Variants in SLC38A6 observed in about 807,000 individuals in gnomAD.
SLC38A6 encodes the protein solute carrier family 38 member 6.
SLC38A6 carries 73 observed loss-of-function variants against 65.0 expected under a neutral mutation model. The ratio of observed to expected loss-of-function variants is 1.12; its 90% CI spans 0.93 to 1.37. The LOEUF (loss-of-function observed/expected upper bound fraction) is 1.37, where lower values mean the gene tolerates loss of function less well. SLC38A6 is among the 40% of genes most tolerant of loss of function. SLC38A6 has a pLI of 0.00. For synonymous variants in SLC38A6, 183 were observed against 178.8 expected (o/e 1.02, Z -0.19); for missense variants, 561 against 531.1 (o/e 1.06, Z -0.55).
chr14:61,083,277 G>A (rs2043728215), intron 16 of SLC38A6, among the ~76,000 whole-genome samples: 1 of 152,206 alleles, frequency 6.6e-6, no homozygotes, highest in African/African-American at 2.4e-5. Flanking sequence ...CTACACCTCA[G>A]GTGGCCCTCC....
At chr14:61,013,946 G>T (rs1343196989) in intron 3 of SLC38A6, among the ~76,000 whole-genome samples, 1 of 152,104 alleles carries the variant, frequency 6.6e-6, no homozygotes, top group African/African-American at 2.4e-5. Flanking sequence ...GCTAGGCTGG[G>T]GAAGTTCTCC....
At chr14:61,078,475 A>G (rs898295925) in intron 15 of SLC38A6, among the ~76,000 whole-genome samples, 9 of 152,202 alleles carry the variant, frequency 5.9e-5, no homozygotes, top group African/African-American at 2.2e-4. Context: ...CCTGATGTAG[A>G]GAATGCTGGA....
At chr14:61,081,104 G>A (rs1180380979) in intron 16 of SLC38A6, among the ~76,000 whole-genome samples, 1 of 124,742 alleles carries the variant, frequency 8.0e-6, no homozygotes, top group African/African-American at 2.7e-5. Context: ...TTGCAGATCT[G>A]CACCTCTGGA....
At chr14:61,007,152 A>G (rs1283723580) in intron 3 of SLC38A6, among the ~76,000 whole-genome samples, 2 of 152,118 alleles carry the variant, frequency 1.3e-5, no homozygotes, top group African/African-American at 4.8e-5. Flanking sequence ...GAAGGGGAAC[A>G]TCACACTCTG....
intron 3 of SLC38A6, among the ~76,000 whole-genome samples, chr14:61,010,138 A>C (rs868165004): frequency 2.6e-5 from 4 of 152,196 alleles, no homozygotes; most frequent in South Asian, 2.1e-4. Context: ...GCCAGTGATG[A>C]TGAGCATTTT....
intron 15 of SLC38A6, among the ~76,000 whole-genome samples, chr14:61,070,078 T>C (rs2043178827): frequency 6.6e-6 from 1 of 152,228 alleles, no homozygotes; most frequent in South Asian, 2.1e-4. Context: ...TAACATGAAA[T>C]CTGCCCTCTT....
At chr14:61,072,297 C>T (rs117372046) in intron 15 of SLC38A6, among the ~76,000 whole-genome samples, 1,789 of 152,062 alleles carry the variant, frequency 0.012, 18 homozygotes, top group Middle Eastern at 0.048. Context: ...TGACATGTTT[C>T]GATACAGACA....
At chr14:60,983,265 C>T (rs918506184) in intron 2 of SLC38A6, among the ~76,000 whole-genome samples, 2 of 152,090 alleles carry the variant, frequency 1.3e-5, no homozygotes, top group African/African-American at 4.8e-5. Context: ...TCAAGGCAGG[C>T]GGATCACTGG....
chr14:61,018,070 T>C (rs906950140), intron 4 of SLC38A6, among the ~76,000 whole-genome samples: 3 of 152,194 alleles, frequency 2.0e-5, no homozygotes, highest in Non-Finnish European at 2.9e-5. Flanking sequence ...ATTAAAAATA[T>C]AAGTAGGTAG....
At chr14:61,029,812 A>G (rs2040839232) in intron 5 of SLC38A6, among the ~76,000 whole-genome samples, 2 of 152,198 alleles carry the variant, frequency 1.3e-5, no homozygotes, top group Non-Finnish European at 2.9e-5. Flanking sequence ...TGTCTTTTTA[A>G]TATATTTAAT....
chr14:60,984,532 A>T (rs138118754), intron 2 of SLC38A6, among the ~76,000 whole-genome samples, 198 bp from the exon 3 acceptor site: 1 of 152,158 alleles, frequency 6.6e-6, no homozygotes, highest in Admixed American at 6.5e-5. Flanking sequence ...TAAAATCAGT[A>T]TATTTTCATT....
In SLC38A6 at chr14:61,051,833, C is replaced by T. The variant is rs2042521360; in HGVS notation, c.1097C>T (p.Ser366Leu). ...ATGTTTTTCTCCAATTTTCCATTCT[C>T]ATGGATTCGCCATTTTTTGATCACT... is the stretch of plus-strand genomic sequence containing the variant. Reference protein sequence around the residue: ...TMMFFSNFPFSWIRHFLITLA... With the variant: ...TMMFFSNFPFLWIRHFLITLA... Residue 366 changes from serine (S) to leucine (L), a missense_variant, in exon 14 of 16, where the codon TCA becomes TTA. Ser to Leu is a moderately radical substitution (Grantham distance 145). Transcript: ENST00000267488. 1.2e-6 allele frequency: 2 copies of T among 1,612,508 alleles called. No individual in the cohort carries two copies. The highest frequency in any genetic ancestry group is 1.7e-6 in the Non-Finnish European group (2 of 1,179,352).
At chr14:61,003,886 A>T (rs1189326663) in intron 3 of SLC38A6, among the ~76,000 whole-genome samples, 1 of 152,266 alleles carries the variant, frequency 6.6e-6, no homozygotes, top group East Asian at 1.9e-4. Context: ...GGAAAGCTAG[A>T]ATTAGGATTT....
chr14:61,028,895 CT>C (rs1218657617), intron 5 of SLC38A6, among the ~76,000 whole-genome samples: 6 of 151,978 alleles, frequency 3.9e-5, no homozygotes, highest in African/African-American at 1.2e-4. Context: ...AGCATGTATC[CT>C]TTTTTTCCTC....
At chr14:61,017,040 T>G (rs1217284645) in intron 4 of SLC38A6, among the ~76,000 whole-genome samples, 1 of 151,424 alleles carries the variant, frequency 6.6e-6, no homozygotes, top group Non-Finnish European at 1.5e-5. Context: ...TTTGGTGGAG[T>G]TTTTTGTTTT....
At chr14:61,040,096 G>A (rs954631232) in intron 8 of SLC38A6, among the ~76,000 whole-genome samples, 3 of 151,572 alleles carry the variant, frequency 2.0e-5, no homozygotes, top group Non-Finnish European at 4.4e-5. Context: ...ATTACCATTC[G>A]TTCTAAAAGT....
chr14:61,054,209 C>T (rs2042627690), downstream of SLC38A6, among the ~76,000 whole-genome samples: 1 of 152,110 alleles, frequency 6.6e-6, no homozygotes. Flanking sequence ...TTTCTGGGTT[C>T]TCTATACTGT....
chr14:60,990,414 G>C (rs1214319990), intron 3 of SLC38A6, among the ~76,000 whole-genome samples: 1 of 152,022 alleles, frequency 6.6e-6, no homozygotes, highest in East Asian at 1.9e-4. Flanking sequence ...CTCATCTCCA[G>C]CTGCCTCCGT....
At chr14:61,019,927 C>T (rs924812439) in intron 5 of SLC38A6, among the ~76,000 whole-genome samples, 11 of 152,066 alleles carry the variant, frequency 7.2e-5, no homozygotes, top group Non-Finnish European at 1.0e-4. Flanking sequence ...TCTAATCACC[C>T]TATTGGCAGA....
Sources: allele counts gnomAD v4.1 joint callset (sites outside exome capture counted in the v4.1 genomes callset), GRCh38; gene constraint gnomAD v4.1.1; transcripts MANE v1.5; gene names NCBI Gene and HGNC (gene_info 2026-07-23, HGNC 2026-07-21).